ARL13B: variants seen among roughly 807,000 people sequenced by gnomAD.
ARL13B encodes ARF like GTPase 13B.
Under a neutral mutation model 56.1 loss-of-function variants are expected in ARL13B, and 36 were observed. The ratio of observed to expected loss-of-function variants is 0.64; its 90% confidence interval spans 0.49 to 0.85. The LOEUF (loss-of-function observed/expected upper bound fraction) is 0.85, where lower values mean the gene tolerates loss of function less well. ARL13B is among the 40% of genes least tolerant of loss of function. The pLI is 0.00. For missense variants in ARL13B, 519 were observed against 507.1 expected, an observed-to-expected ratio of 1.02 and a Z score of -0.23; for synonymous variants, 178 against 171.1, an observed-to-expected ratio of 1.04 and a Z score of -0.32.
chr3:94,032,497 CTT>C (rs934879105), intron 3 of ARL13B, among the ~76,000 whole-genome samples: 7 of 146,596 alleles, frequency 4.8e-5, no homozygotes, highest in African/African-American at 1.5e-4. Flanking sequence ...ATGGAGATTT[CTT>C]TTTTTTTTTT....
intron 3 of ARL13B, chr3:94,015,182 C>T: frequency 1.2e-6 from 2 of 1,613,718 alleles, no homozygotes; most frequent in Non-Finnish European, 1.7e-6. Context: ...ACCCCTTGTT[C>T]CTCTGTTTCT....
rs1290328462 is a variant in ARL13B at position 94,024,128 on chromosome 3, AAATT to A, written c.381-11191_381-11188del. 4.6e-5 allele frequency among the ~76,000 whole-genome samples: 7 copies of A among 152,320 alleles called. No homozygotes were observed. In the East Asian group the frequency reaches 7.7e-4, roughly 17 times the overall value. On this transcript the variant is annotated intron_variant, in intron 3 of 9. Coordinates refer to ENST00000394222, the MANE Select transcript of ARL13B (RefSeq NM_001174150.2). ...CTTGTCACTATGAATTGTTTTTTAA[AAATT>A]AATTAATTAATCAATTAATAGAGAA...
intron 3 of ARL13B, among the ~76,000 whole-genome samples, chr3:94,010,551 T>G (rs1239689609): frequency 6.6e-6 from 1 of 152,046 alleles, no homozygotes; most frequent in East Asian, 1.9e-4. Flanking sequence ...AATAATTTTT[T>G]CCCTTTAAGG....
intron 3 of ARL13B, among the ~76,000 whole-genome samples, chr3:94,018,728 C>CT (rs2076384801): frequency 6.6e-6 from 1 of 152,128 alleles, no homozygotes; most frequent in Non-Finnish European, 1.5e-5. Flanking sequence ...TCTGGCAACT[C>CT]TATTTTTCCA....
Position 94,050,159 on chromosome 3 carries a change from AT to A in ARL13B, c.1141+638del, listed in dbSNP as rs527497658. 5.1e-3 allele frequency among the ~76,000 whole-genome samples: 728 copies of A among 141,446 alleles called. 3 individuals are homozygous for A. Among genetic ancestry groups the A allele is most frequent in the African/African-American group, 0.015 (550 of 37,584 alleles). The allele number at this position is 141,446 out of a possible 152,430, so 92.8% of individuals were successfully genotyped here. On this transcript the variant is annotated intron_variant, in intron 8 of 9. Transcript: ENST00000394222. Reference sequence around the variant, plus strand: ...AGCCTGGGTGACAGGGTGAGACTCCATCTCGGGAAAAAAAAAAAAAAAAAAA... The same window carrying A: ...AGCCTGGGTGACAGGGTGAGACTCCACTCGGGAAAAAAAAAAAAAAAAAAA...
intron 4 of ARL13B, among the ~76,000 whole-genome samples, chr3:94,035,874 C>G (rs1037040784): frequency 1.1e-4 from 17 of 152,070 alleles, no homozygotes; most frequent in African/African-American, 4.1e-4. Context: ...GAGTTTGAGA[C>G]CAACCTGGGC....
rs976927015 is a variant in ARL13B at position 94,055,439 on chromosome 3, C to T, written c.*2176C>T. On this transcript the variant is annotated 3_prime_UTR_variant, in exon 10 of 10. Coordinates refer to ENST00000394222, the MANE Select transcript of ARL13B (RefSeq NM_001174150.2). The stretch of plus-strand genomic sequence containing the variant: ...TACACACAAAACTTTTTTCTCTCTG[C>T]AAGTTTTTATGTATGTGGGAAAGAA... 2.2e-6 allele frequency: 1 copy of T among 452,818 alleles called. No individual in the cohort carries two copies. Among genetic ancestry groups the T allele is most frequent in the Non-Finnish European group, 4.4e-6 (1 of 226,070 alleles). The allele number at this position is 452,818 out of a possible 1,614,324, so 28.1% of individuals were successfully genotyped here. A position where few individuals can be genotyped will look rare whatever the true frequency, so the allele number is the denominator to read the frequency against.
chr3:93,993,466 G>C, intron 1 of ARL13B, among the ~76,000 whole-genome samples: 1 of 152,090 alleles, frequency 6.6e-6, no homozygotes, highest in East Asian at 1.9e-4. Context: ...TGTTGCCCAG[G>C]CTTCAGTGCA....
chr3:94,022,070 C>T (rs2107008958), intron 3 of ARL13B, among the ~76,000 whole-genome samples: 1 of 152,172 alleles, frequency 6.6e-6, no homozygotes, highest in East Asian at 1.9e-4. Context: ...TGCATCTAAA[C>T]TCCTGTTTCT....
At chr3:94,035,253 AAG>A in intron 3 of ARL13B, 76 bp from the exon 4 acceptor site, 5 of 1,071,242 alleles carry the variant, frequency 4.7e-6, no homozygotes, top group South Asian at 2.8e-5. Context: ...AAAAAAAAAA[AAG>A]AATGTGGTCA....
chr3:94,053,281 G>A lies in ARL13B; in HGVS notation c.*18G>A. ...TCTCATAAACAAGACGTATGGAGGA[G>A]TTCTCTTAATATCAGCAAGGTGAAC... is the stretch of plus-strand genomic sequence containing the variant. On this transcript the variant is annotated 3_prime_UTR_variant, in exon 10 of 10. Transcript: ENST00000394222. 2 of 1,608,158 alleles carry A rather than the reference G, an allele frequency of 1.2e-6. No individual in the cohort carries two copies. Among genetic ancestry groups the A allele is most frequent in the East Asian group, 2.2e-5 (1 of 44,814 alleles).
At chr3:94,014,398 C>T in intron 3 of ARL13B, 2 of 1,533,164 alleles carry the variant, frequency 1.3e-6, no homozygotes, top group South Asian at 2.7e-5. Flanking sequence ...TTTTGAGCTA[C>T]AGCATGGACA....
At chr3:94,021,992 C>T (rs60331129) in intron 3 of ARL13B, among the ~76,000 whole-genome samples, 6,603 of 152,176 alleles carry the variant, frequency 0.043, 227 homozygotes, top group African/African-American at 0.094. Flanking sequence ...TACCACATCC[C>T]CTTTCCAATT....
At chr3:94,032,402 A>G (rs960121423) in intron 3 of ARL13B, among the ~76,000 whole-genome samples, 1 of 152,278 alleles carries the variant, frequency 6.6e-6, no homozygotes, top group Non-Finnish European at 1.5e-5. Flanking sequence ...GTTAAAACAT[A>G]GCAGATGTCT....
In ARL13B at chr3:94,049,082, A is replaced by G. The variant is rs547383841; in HGVS notation, c.1025-324A>G. ...CTTTTCCCAGATTATTATGAAGTTC[A>G]TGGAAACTCTTGCAATTAGACAATT... is the stretch of plus-strand genomic sequence containing the variant. On this transcript the variant is annotated intron_variant, in intron 7 of 9. Transcript: ENST00000394222. Among the ~76,000 whole-genome samples the G allele has an allele frequency of 3.6e-4, 55 of 152,276 alleles. 1 individual carries two copies. The highest frequency in any genetic ancestry group is 6.8e-3 in the Middle Eastern group (2 of 292).
At chr3:94,014,798 T>C in intron 3 of ARL13B, 1 of 1,614,074 alleles carries the variant, frequency 6.2e-7, no homozygotes, top group Non-Finnish European at 8.5e-7. Context: ...TTCTCTTGCT[T>C]TGCTGCTATT....
At chr3:94,012,045 T>C (rs1299841624) in intron 3 of ARL13B, among the ~76,000 whole-genome samples, 1 of 152,168 alleles carries the variant, frequency 6.6e-6, no homozygotes, top group Admixed American at 6.5e-5. Flanking sequence ...AACTCTCCTT[T>C]TGCATTGGCT....
chr3:94,041,585 CAA>C (rs2076862778), intron 6 of ARL13B, among the ~76,000 whole-genome samples: 1 of 151,934 alleles, frequency 6.6e-6, no homozygotes, highest in South Asian at 2.1e-4. Flanking sequence ...AGCTATTCTA[CAA>C]AGTTAAAAAG....
chr3:93,999,177 G>A (rs2076013200), intron 2 of ARL13B, among the ~76,000 whole-genome samples: 2 of 151,920 alleles, frequency 1.3e-5, no homozygotes, highest in Admixed American at 1.3e-4. Flanking sequence ...CTGGCCTCAA[G>A]TGATCCTCCT....
Sources: allele counts gnomAD v4.1 joint callset (sites outside exome capture counted in the v4.1 genomes callset), GRCh38; gene constraint gnomAD v4.1.1; transcripts MANE v1.5; gene names NCBI Gene and HGNC (gene_info 2026-07-23, HGNC 2026-07-21).